Variants in LINGO2 observed in about 807,000 individuals in gnomAD.
LINGO2 encodes leucine rich repeat and Ig domain containing 2, also known as leucine-rich repeat and immunoglobulin-like domain-containing nogo receptor-interacting protein 2.
Under a neutral mutation model 30.6 loss-of-function variants are expected in LINGO2, and 14 were observed. That is an observed-to-expected ratio of 0.46 (90% CI 0.30 to 0.72). LINGO2 has a LOEUF of 0.72. Among genes scored for constraint, LINGO2 ranks in the 30% least tolerant of loss-of-function variants. The probability of loss-of-function intolerance (pLI) is 0.07; values close to 1 mark genes in which losing one functional copy is unlikely to be tolerated. For missense variants in LINGO2, 729 were observed against 751.7 expected (o/e 0.97, Z 0.35); for synonymous variants, 317 against 288.5 (o/e 1.10, Z -1.00).
the LINGO2 span, among the ~76,000 whole-genome samples, chr9:28,920,677 C>T: frequency 6.6e-6 from 1 of 152,004 alleles, no homozygotes; most frequent in Non-Finnish European, 1.5e-5. Context: ...GTAGTAAGTC[C>T]TTGTGAAATC....
intron 1 of LINGO2, among the ~76,000 whole-genome samples, chr9:28,552,629 T>A (rs974571420): frequency 2.0e-5 from 3 of 151,708 alleles, no homozygotes; most frequent in Admixed American, 6.6e-5. Flanking sequence ...CTTTCCATTC[T>A]GGGAACTTTT....
intron 1 of LINGO2, among the ~76,000 whole-genome samples, chr9:28,495,185 G>C (rs1166657279): frequency 4.5e-5 from 3 of 66,326 alleles, no homozygotes; most frequent in African/African-American, 6.3e-5. Flanking sequence ...CACTCTGATG[G>C]TAGTTTTTCT....
the LINGO2 span, among the ~76,000 whole-genome samples, chr9:28,929,785 T>A: frequency 6.1e-4 from 93 of 152,066 alleles, 1 homozygote; most frequent in Non-Finnish European, 1.3e-4. Flanking sequence ...AAATACAAAA[T>A]ACAAATTAAA....
At chr9:28,203,670 T>C (rs958850176) in intron 4 of LINGO2, among the ~76,000 whole-genome samples, 1 of 152,102 alleles carries the variant, frequency 6.6e-6, no homozygotes, top group Non-Finnish European at 1.5e-5. Context: ...AAAAATGCCA[T>C]ATCATACAAA....
chr9:28,497,023 G>A (rs1819660898), intron 1 of LINGO2, among the ~76,000 whole-genome samples: 1 of 152,204 alleles, frequency 6.6e-6, no homozygotes, highest in South Asian at 2.1e-4. Flanking sequence ...TCTGCCAAGA[G>A]ATCCGCAGCT....
chr9:28,273,342 A>C (rs529023718), intron 4 of LINGO2, among the ~76,000 whole-genome samples: 1 of 152,346 alleles, frequency 6.6e-6, no homozygotes, highest in South Asian at 2.1e-4. Flanking sequence ...CAATGGCAAA[A>C]GCAAAGTGGT....
At chr9:28,792,467 T>C in the LINGO2 span, among the ~76,000 whole-genome samples, 2 of 152,130 alleles carry the variant, frequency 1.3e-5, no homozygotes, top group Admixed American at 6.5e-5. Flanking sequence ...ACACACTATC[T>C]TCAGCTACAA....
At chr9:28,900,484 C>T in the LINGO2 span, among the ~76,000 whole-genome samples, 1 of 152,166 alleles carries the variant, frequency 6.6e-6, no homozygotes, top group Admixed American at 6.5e-5. Context: ...CCAGACACAC[C>T]ATTACAGACC....
chr9:28,358,264 G>A (rs1820307706), intron 3 of LINGO2, among the ~76,000 whole-genome samples: 1 of 151,978 alleles, frequency 6.6e-6, no homozygotes, highest in Admixed American at 6.6e-5. Context: ...TGGGAAAACT[G>A]AAGCCCACGA....
chr9:28,151,739 G>A (rs556864836), intron 4 of LINGO2, among the ~76,000 whole-genome samples: 2 of 151,914 alleles, frequency 1.3e-5, no homozygotes, highest in South Asian at 2.1e-4. Context: ...TCTAAATGAT[G>A]ACTCAGAAAA....
rs201534797 is a variant in LINGO2, at chr9:28,536,047, A to AT, written c.-364-60023dup. On this transcript the variant is annotated intron_variant, in intron 1 of 5. Transcript: ENST00000379992. ...TTGTTTTTAATAATTAGATGATTTA[A>AT]TTTTTTTTGGTCACTTAAGATTCAC... Among the ~76,000 whole-genome samples the AT allele has an allele frequency of 3.6e-4, 55 of 152,028 alleles. No individual in the cohort carries two copies. In the East Asian group the frequency reaches 9.9e-3, roughly 27 times the overall value.
At chr9:28,777,863 A>G in the LINGO2 span, among the ~76,000 whole-genome samples, 1 of 152,218 alleles carries the variant, frequency 6.6e-6, no homozygotes, top group Non-Finnish European at 1.5e-5. Context: ...AATTTAAGGT[A>G]TTAAATCCTT....
intron 2 of LINGO2, among the ~76,000 whole-genome samples, chr9:28,379,695 A>G (rs771367381): frequency 3.3e-5 from 5 of 152,124 alleles, no homozygotes; most frequent in Non-Finnish European, 5.9e-5. Context: ...AGAGGAAGGT[A>G]GGAAATGAAC....
chr9:28,200,529 T>C (rs991933594), intron 4 of LINGO2, among the ~76,000 whole-genome samples: 4 of 152,176 alleles, frequency 2.6e-5, no homozygotes, highest in Admixed American at 2.0e-4. Flanking sequence ...CATTTACATA[T>C]GGCTTTAAGA....
the LINGO2 span, among the ~76,000 whole-genome samples, chr9:28,938,054 C>A: frequency 1.3e-5 from 2 of 152,148 alleles, no homozygotes; most frequent in African/African-American, 2.4e-5. Flanking sequence ...GTTTTCTGTT[C>A]CTGTGTTAAA....
At chr9:27,963,668 G>T (rs10968231) in intron 5 of LINGO2, among the ~76,000 whole-genome samples, 10,325 of 149,272 alleles carry the variant, frequency 0.069, 1,021 homozygotes, top group African/African-American at 0.21. Flanking sequence ...AGACTTTTTT[G>T]TTTTTTTGAA....
rs73644073 is a variant in LINGO2, at chr9:28,571,647, T to G, written c.-364-95622A>C. 9.5e-3 allele frequency among the ~76,000 whole-genome samples: 1,453 copies of G among 152,246 alleles called. 23 individuals are homozygous for G. The highest frequency in any genetic ancestry group is 0.031 in the African/African-American group (1,277 of 41,572). Reference sequence around the variant, plus strand: ...TTTAAATCCACTTCTTTTGTATGGCTTTTAATACTTGACTCCATATGAATT... The same window carrying G: ...TTTAAATCCACTTCTTTTGTATGGCGTTTAATACTTGACTCCATATGAATT... On this transcript the variant is annotated intron_variant, in intron 1 of 5. Coordinates refer to ENST00000379992, the Ensembl canonical transcript of LINGO2.
chr9:28,092,399 A>C (rs979863410), intron 4 of LINGO2, among the ~76,000 whole-genome samples: 18 of 152,042 alleles, frequency 1.2e-4, no homozygotes, highest in African/African-American at 3.9e-4. Flanking sequence ...CTTTGTAGGG[A>C]CATGGATGAA....
intron 4 of LINGO2, among the ~76,000 whole-genome samples, chr9:28,059,002 A>C (rs1587789526): frequency 2.0e-5 from 3 of 152,144 alleles, no homozygotes; most frequent in Admixed American, 2.0e-4. Flanking sequence ...AAAGATTCAG[A>C]GCTCACAACT....
Sources: allele counts gnomAD v4.1 joint callset (sites outside exome capture counted in the v4.1 genomes callset), GRCh38; gene constraint gnomAD v4.1.1; transcripts MANE v1.5; gene names NCBI Gene and HGNC (gene_info 2026-07-23, HGNC 2026-07-21).